The following PBX1 variants were observed in gnomAD, a reference collection of about 807,000 sequenced individuals.
PBX1 encodes the protein pre-B-cell leukemia transcription factor 1.
PBX1 carries 6 observed loss-of-function variants against 53.4 expected under a neutral mutation model. The observed-to-expected ratio is 0.11, with a 90% CI of 0.06 to 0.22. PBX1 has a LOEUF of 0.22. Ranked by LOEUF, PBX1 falls within the 10% of genes least tolerant of loss-of-function variation. The pLI is 1.00. For synonymous variants in PBX1, 204 were observed against 212.3 expected (o/e 0.96, Z 0.34); for missense variants, 251 against 551.4 (o/e 0.46, Z 5.46).
At chr1:164,627,741 G>A (rs886893468) in intron 2 of PBX1, among the ~76,000 whole-genome samples, 4 of 152,160 alleles carry the variant, frequency 2.6e-5, no homozygotes, top group African/African-American at 4.8e-5. Flanking sequence ...AGGCATTCAT[G>A]GCTGTGCTTC....
intron 2 of PBX1, among the ~76,000 whole-genome samples, chr1:164,709,612 C>T (rs976363565): frequency 2.0e-5 from 3 of 151,908 alleles, no homozygotes; most frequent in Non-Finnish European, 2.9e-5. Context: ...CAATTTCTTG[C>T]ATAGGTCTGC....
intron 2 of PBX1, among the ~76,000 whole-genome samples, chr1:164,774,960 G>C (rs1667572158): frequency 6.6e-6 from 1 of 152,196 alleles, no homozygotes; most frequent in Admixed American, 6.5e-5. Context: ...AAAGAGGCCT[G>C]TTCTGTTAGA....
intron 4 of PBX1, among the ~76,000 whole-genome samples, chr1:164,804,063 T>G (rs1669216745): frequency 6.6e-6 from 1 of 152,184 alleles, no homozygotes; most frequent in Non-Finnish European, 1.5e-5. Flanking sequence ...TACACATTAT[T>G]GTTAAATTTT....
intron 2 of PBX1, among the ~76,000 whole-genome samples, chr1:164,690,011 T>C (rs1182383374): frequency 6.6e-6 from 1 of 152,240 alleles, no homozygotes; most frequent in African/African-American, 2.4e-5. Flanking sequence ...ACCCATTATG[T>C]GAATTAAATA....
intron 6 of PBX1, chr1:164,813,376 C>T (rs953662358): frequency 6.6e-6 from 1 of 152,192 alleles, no homozygotes; most frequent in South Asian, 2.1e-4. Flanking sequence ...TTAATTTTCC[C>T]AGCACTGCAG....
chr1:164,706,595 T>C (rs1663438082), intron 2 of PBX1, among the ~76,000 whole-genome samples: 1 of 152,212 alleles, frequency 6.6e-6, no homozygotes, highest in Admixed American at 6.5e-5. Context: ...ATATATATGA[T>C]ATACCTTTTT....
downstream of PBX1, among the ~76,000 whole-genome samples, chr1:164,852,650 T>C (rs1310649950): frequency 6.6e-6 from 1 of 152,210 alleles, no homozygotes. Flanking sequence ...ATGAGATGAG[T>C]ATGTATTGAA....
At chr1:164,612,287 A>G (rs936436914) in intron 2 of PBX1, among the ~76,000 whole-genome samples, 3 of 152,020 alleles carry the variant, frequency 2.0e-5, no homozygotes, top group African/African-American at 7.3e-5. Flanking sequence ...TTTTAATGCA[A>G]TTTTGCATTG....
chr1:164,659,396 A>G (rs1195820431), intron 2 of PBX1, among the ~76,000 whole-genome samples: 1 of 152,192 alleles, frequency 6.6e-6, no homozygotes, highest in Non-Finnish European at 1.5e-5. Context: ...CTCATTGGGA[A>G]TGTAACTCTC....
chr1:164,787,446 T>C (rs1029011510), intron 2 of PBX1, among the ~76,000 whole-genome samples: 11 of 152,072 alleles, frequency 7.2e-5, no homozygotes, highest in Admixed American at 7.2e-4. Context: ...CCTGGACACT[T>C]GACTGTCCGC....
chr1:164,580,863 G>GCCACC (rs1186502662), intron 2 of PBX1, among the ~76,000 whole-genome samples: 1 of 152,194 alleles, frequency 6.6e-6, no homozygotes, highest in African/African-American at 2.4e-5. Flanking sequence ...ATAGGTATGA[G>GCCACC]CCACCGCACC....
intron 2 of PBX1, among the ~76,000 whole-genome samples, chr1:164,602,481 G>C (rs1446730278): frequency 6.6e-6 from 1 of 151,962 alleles, no homozygotes; most frequent in East Asian, 1.9e-4. Flanking sequence ...CTTGAACAAG[G>C]GTTTAGCTGT....
chr1:164,649,511 C>A (rs986163696), intron 2 of PBX1, among the ~76,000 whole-genome samples: 2 of 151,984 alleles, frequency 1.3e-5, no homozygotes, highest in African/African-American at 2.4e-5. Flanking sequence ...CAGTTTTTTC[C>A]CCCCAGTATG....
intron 2 of PBX1, among the ~76,000 whole-genome samples, chr1:164,701,251 T>C (rs1663104696): frequency 6.6e-6 from 1 of 152,234 alleles, no homozygotes; most frequent in East Asian, 1.9e-4. Context: ...TGTTGATCTG[T>C]TATTTTTCTA....
At chr1:164,882,123 T>C (rs922122806) in intron 2 of PBX1, among the ~76,000 whole-genome samples, 1 of 152,188 alleles carries the variant, frequency 6.6e-6, no homozygotes, top group Non-Finnish European at 1.5e-5. Context: ...ACCCTTTTTT[T>C]TTTTTGGTAG....
chr1:164,807,507 G>A (rs1295818442), intron 4 of PBX1, 35 bp from the exon 5 acceptor site: 10 of 1,604,766 alleles, frequency 6.2e-6, no homozygotes, highest in Non-Finnish European at 8.5e-6. Flanking sequence ...TTTGGTGTGA[G>A]CCTTTTTGTT....
intron 2 of PBX1, among the ~76,000 whole-genome samples, chr1:164,640,275 G>C (rs1313541971): frequency 6.6e-6 from 1 of 152,118 alleles, no homozygotes; most frequent in East Asian, 1.9e-4. Flanking sequence ...GGATCCAAAT[G>C]GGGGAAGGCC....
intron 2 of PBX1, among the ~76,000 whole-genome samples, chr1:164,642,353 C>T (rs536279296): frequency 3.9e-5 from 6 of 152,316 alleles, no homozygotes; most frequent in Non-Finnish European, 7.3e-5. Context: ...CTAGGTATGA[C>T]CCCAGATATT....
intron 2 of PBX1, among the ~76,000 whole-genome samples, chr1:164,633,212 C>T (rs1188000643): frequency 6.6e-6 from 1 of 151,532 alleles, no homozygotes; most frequent in African/African-American, 2.4e-5. Flanking sequence ...TGCAGTGGCA[C>T]AATCTTGGCT....
Sources: allele counts gnomAD v4.1 joint callset (sites outside exome capture counted in the v4.1 genomes callset), GRCh38; gene constraint gnomAD v4.1.1; transcripts MANE v1.5; gene names NCBI Gene and HGNC (gene_info 2026-07-23, HGNC 2026-07-21).